The following GNB1 variants were observed in gnomAD, a reference collection of about 807,000 sequenced individuals.
GNB1 encodes guanine nucleotide-binding protein G(I)/G(S)/G(T) subunit beta-1.
A neutral mutation model predicts 42.9 loss-of-function variants in GNB1; 2 were observed. That is an observed-to-expected ratio of 0.05 (90% CI 0.02 to 0.15). The LOEUF (loss-of-function observed/expected upper bound fraction) is 0.15, where lower values mean the gene tolerates loss of function less well. Ranked by LOEUF, GNB1 falls within the 10% of genes least tolerant of loss-of-function variation. GNB1 has a pLI of 1.00. For missense variants in GNB1, 193 were observed against 462.2 expected, an observed-to-expected ratio of 0.42 and a Z score of 5.34; for synonymous variants, 183 against 174.7, an observed-to-expected ratio of 1.05 and a Z score of -0.38.
Position 1,789,039 on chromosome 1 carries a change from C to G in GNB1, c.916+14G>C. 6.3e-7 allele frequency: 1 copy of G among 1,590,282 alleles called. No homozygotes were observed. Among genetic ancestry groups the G allele is most frequent in the Non-Finnish European group, 8.6e-7 (1 of 1,158,276 alleles). ...AATGTCCACAAGACACAGAAAGGCC[C>G]CATGGCCACGTACCTGCCCGGTCGG... On this transcript the variant is annotated intron_variant, in intron 10 of 11. Coordinates refer to ENST00000378609, the MANE Select transcript of GNB1 (RefSeq NM_002074.5).
At chr1:1,886,282 C>A (rs1244318925) in intron 1 of GNB1, among the ~76,000 whole-genome samples, 1 of 152,138 alleles carries the variant, frequency 6.6e-6, no homozygotes, top group African/African-American at 2.4e-5. Context: ...TGCGCCACTG[C>A]ACTCCAGACT....
chr1:1,803,992 AAAAAAAAAAAAG>A (rs1233661311), intron 7 of GNB1, among the ~76,000 whole-genome samples: 8 of 105,842 alleles, frequency 7.6e-5, no homozygotes, highest in African/African-American at 1.4e-4. Flanking sequence ...TAAAAAAAAA[AAAAAAAAAAAAG>A]AAAAAAAGGC....
chr1:1,876,492 CGAGAGAGAGA>C (rs35226472), intron 1 of GNB1, among the ~76,000 whole-genome samples: 1 of 147,832 alleles, frequency 6.8e-6, no homozygotes, highest in Admixed American at 6.8e-5. Flanking sequence ...CATGTGCACA[CGAGAGAGAGA>C]GAGAGAGAGA....
chr1:1,835,922 G>GAAAAAAA (rs59271649), intron 2 of GNB1, among the ~76,000 whole-genome samples: 7 of 88,680 alleles, frequency 7.9e-5, no homozygotes, highest in Admixed American at 3.1e-4. Flanking sequence ...ATTAAAAAAA[G>GAAAAAAA]AAAAAAAAAA....
intron 8 of GNB1, among the ~76,000 whole-genome samples, chr1:1,792,257 C>A (rs578251797): frequency 6.6e-6 from 1 of 152,186 alleles, no homozygotes; most frequent in South Asian, 2.1e-4. Context: ...TATTTTTAGT[C>A]TGTGCTCATT....
intron 1 of GNB1, among the ~76,000 whole-genome samples, chr1:1,882,664 T>C (rs1165177304): frequency 7.2e-5 from 11 of 152,180 alleles, no homozygotes; most frequent in Non-Finnish European, 2.9e-5. Flanking sequence ...GGCTCACGCC[T>C]GTAATCCCAG....
intron 5 of GNB1, among the ~76,000 whole-genome samples, chr1:1,810,735 T>C (rs1646765119): frequency 6.6e-6 from 1 of 151,868 alleles, no homozygotes; most frequent in African/African-American, 2.4e-5. Flanking sequence ...TGGTGCAATC[T>C]TGGCTCACTG....
At chr1:1,828,496 G>C (rs1470023652) in intron 2 of GNB1, among the ~76,000 whole-genome samples, 1 of 152,086 alleles carries the variant, frequency 6.6e-6, no homozygotes, top group Non-Finnish European at 1.5e-5. Context: ...TGTATTGCTT[G>C]AGACTAGAGA....
At chr1:1,866,588 T>C (rs1648953135) in intron 1 of GNB1, among the ~76,000 whole-genome samples, 1 of 151,338 alleles carries the variant, frequency 6.6e-6, no homozygotes, top group Admixed American at 6.6e-5. Flanking sequence ...GAGAATTCTG[T>C]CTTGGGCCAC....
intron 1 of GNB1, among the ~76,000 whole-genome samples, chr1:1,881,997 G>A (rs958742610): frequency 3.9e-5 from 6 of 152,212 alleles, no homozygotes; most frequent in African/African-American, 1.4e-4. Context: ...TTAATGAGAA[G>A]CTGCCACTGA....
chr1:1,890,583 G>A (rs2101991077), intron 1 of GNB1, among the ~76,000 whole-genome samples: 1 of 148,870 alleles, frequency 6.7e-6, no homozygotes, highest in South Asian at 2.1e-4. Flanking sequence ...TCGGCCCCCA[G>A]CCTTGGGCCT....
chr1:1,840,227 C>T (rs1294926308), intron 1 of GNB1, among the ~76,000 whole-genome samples: 2 of 134,632 alleles, frequency 1.5e-5, no homozygotes, highest in East Asian at 2.1e-4. Context: ...GACACCGTCT[C>T]GAAAAGAAAA....
rs141640389 is a variant in GNB1 at position 1,822,999 on chromosome 1, T to G, written c.57+2398A>C. Among the ~76,000 whole-genome samples the G allele has an allele frequency of 2.6e-5, 4 of 152,056 alleles. 1 individual carries two copies. In the South Asian group the frequency reaches 8.3e-4, roughly 32 times the overall value. Reference sequence around the variant, plus strand: ...GGCTCATGCCTGTAATCCCCGCACTTTGGGAGGCCGAGGTGGGCGGATCAC... The same window carrying G: ...GGCTCATGCCTGTAATCCCCGCACTGTGGGAGGCCGAGGTGGGCGGATCAC... On this transcript the variant is annotated intron_variant, in intron 3 of 11. Transcript: ENST00000378609.
At chr1:1,864,274 C>T (rs955808267) in intron 1 of GNB1, among the ~76,000 whole-genome samples, 1 of 132,430 alleles carries the variant, frequency 7.6e-6, no homozygotes, top group African/African-American at 2.8e-5. Flanking sequence ...CAAGATCGTG[C>T]CACTGCACTC....
chr1:1,876,516 C>CGT (rs796725925), intron 1 of GNB1, among the ~76,000 whole-genome samples: 1,268 of 103,888 alleles, frequency 0.012, 22 homozygotes, highest in African/African-American at 0.046. Context: ...AGAGAGAGAG[C>CGT]GAGCGTGCAT....
At chr1:1,870,094 C>T (rs1649166876) in intron 1 of GNB1, among the ~76,000 whole-genome samples, 1 of 152,168 alleles carries the variant, frequency 6.6e-6, no homozygotes, top group Non-Finnish European at 1.5e-5. Context: ...CTCTTGACCT[C>T]AAGTGATCTG....
At chr1:1,874,246 A>G (rs1378549894) in intron 1 of GNB1, among the ~76,000 whole-genome samples, 1 of 152,132 alleles carries the variant, frequency 6.6e-6, no homozygotes, top group Non-Finnish European at 1.5e-5. Flanking sequence ...CGAGGCAGGC[A>G]GATCACGAGG....
chr1:1,862,715 T>G (rs1053995811), intron 1 of GNB1, among the ~76,000 whole-genome samples: 3 of 152,048 alleles, frequency 2.0e-5, no homozygotes, highest in African/African-American at 7.2e-5. Context: ...TGCCTTGACC[T>G]CCCAAAGTGT....
chr1:1,851,113 C>A (rs545349697), intron 1 of GNB1, among the ~76,000 whole-genome samples: 2 of 152,020 alleles, frequency 1.3e-5, no homozygotes, highest in Admixed American at 1.3e-4. Flanking sequence ...ACTAAAAATA[C>A]AAAAATTAGC....
Sources: allele counts gnomAD v4.1 joint callset (sites outside exome capture counted in the v4.1 genomes callset), GRCh38; gene constraint gnomAD v4.1.1; transcripts MANE v1.5; gene names NCBI Gene and HGNC (gene_info 2026-07-23, HGNC 2026-07-21).